Variants in KRABD2 observed in about 807,000 individuals in gnomAD.
KRABD2 encodes the protein KRAB domain containing 2.
At chr17:8,362,246 C>T in the KRABD2 span, among the ~76,000 whole-genome samples, 8 of 151,936 alleles carry the variant, frequency 5.3e-5, no homozygotes, top group East Asian at 1.9e-4. This position sits in a 1 kb window ranked among gnomAD's most constrained non-coding sequence, Gnocchi z 4.2. Context: ...GGGAGAATGG[C>T]GTGAACCCGG....
At chr17:8,369,722 T>C in the KRABD2 span, 1 of 1,614,242 alleles carries the variant, frequency 6.2e-7, no homozygotes, top group Admixed American at 1.7e-5. Context: ...GTTTGGTTCT[T>C]AATGGCCGTA....
At chr17:8,374,673 G>A in the KRABD2 span, among the ~76,000 whole-genome samples, 8 of 149,154 alleles carry the variant, frequency 5.4e-5, no homozygotes, top group East Asian at 5.9e-4. Flanking sequence ...TCGGCCGGGC[G>A]TGGGGGCTCA....
chr17:8,369,335 G>A, the KRABD2 span: 1 of 1,614,044 alleles, frequency 6.2e-7, no homozygotes, highest in African/African-American at 1.3e-5. Context: ...CAGTTTCCCG[G>A]GGCAAGTTTG....
At chr17:8,370,351 C>G in the KRABD2 span, 1 of 1,594,040 alleles carries the variant, frequency 6.3e-7, no homozygotes, top group African/African-American at 1.4e-5. Context: ...TCATTTCCAG[C>G]TCTCTGAGGC....
the KRABD2 span, among the ~76,000 whole-genome samples, chr17:8,371,125 A>T: frequency 6.6e-6 from 1 of 152,148 alleles, no homozygotes; most frequent in African/African-American, 2.4e-5. Context: ...AGCCGAGATT[A>T]TACCACTGCA....
At chr17:8,365,398 C>T in the KRABD2 span, among the ~76,000 whole-genome samples, 2 of 152,228 alleles carry the variant, frequency 1.3e-5, no homozygotes, top group South Asian at 4.1e-4. Flanking sequence ...ACCTCCCAGA[C>T]CTGTTAGGCA....
chr17:8,376,342 A>G, the KRABD2 span: 1 of 1,210,322 alleles, frequency 8.3e-7, no homozygotes, highest in Non-Finnish European at 1.0e-6. Context: ...TTCCTCATCT[A>G]CAACCCGGGG....
chr17:8,358,957 A>T, the KRABD2 span, among the ~76,000 whole-genome samples: 1 of 152,178 alleles, frequency 6.6e-6, no homozygotes, highest in South Asian at 2.1e-4. Context: ...ACATTTTACC[A>T]ACTGTCCCAA....
chr17:8,371,365 T>G, the KRABD2 span: 10 of 1,614,208 alleles, frequency 6.2e-6, no homozygotes, highest in Non-Finnish European at 5.9e-6. Context: ...GCAATCCTTT[T>G]GAGAGCCTTC....
the KRABD2 span, chr17:8,360,001 C>T: frequency 2.7e-6 from 1 of 375,356 alleles, no homozygotes; most frequent in South Asian, 2.0e-5. Flanking sequence ...TAGGAGTGAG[C>T]CATCTGTGTG....
the KRABD2 span, among the ~76,000 whole-genome samples, chr17:8,372,538 C>T: frequency 6.6e-6 from 1 of 152,210 alleles, no homozygotes; most frequent in Non-Finnish European, 1.5e-5. This position sits in a 1 kb window ranked among gnomAD's most constrained non-coding sequence, Gnocchi z 4.1. Context: ...GTGATCTGCT[C>T]GTTTTGGCCT....
At chr17:8,366,570 T>G in the KRABD2 span, among the ~76,000 whole-genome samples, 2 of 152,222 alleles carry the variant, frequency 1.3e-5, no homozygotes, top group East Asian at 3.8e-4. Flanking sequence ...ATATGTTTCA[T>G]GCAGTTACAC....
the KRABD2 span, among the ~76,000 whole-genome samples, chr17:8,367,896 TCC>T: frequency 1.9e-5 from 2 of 104,658 alleles, no homozygotes; most frequent in Admixed American, 2.4e-4. Context: ...CCCTGCCAAA[TCC>T]CCCTCTGCAA....
chr17:8,360,430 C>T, the KRABD2 span, among the ~76,000 whole-genome samples: 1 of 152,082 alleles, frequency 6.6e-6, no homozygotes, highest in Non-Finnish European at 1.5e-5. Flanking sequence ...GCTTGGAAAA[C>T]ACAGTAGAGT....
chr17:8,375,790 C>A, the KRABD2 span: 2 of 743,908 alleles, frequency 2.7e-6, no homozygotes, highest in Non-Finnish European at 1.8e-6. Context: ...GAAATGTGAC[C>A]GTAAATCAAT....
At chr17:8,369,135 C>T in the KRABD2 span, 1 of 1,609,276 alleles carries the variant, frequency 6.2e-7, no homozygotes, top group South Asian at 1.1e-5. Context: ...GCCATCTGTT[C>T]ACCAGCAGAG....
the KRABD2 span, chr17:8,365,530 T>C: frequency 6.6e-6 from 1 of 152,228 alleles, no homozygotes; most frequent in African/African-American, 2.4e-5. Context: ...TATGTAATAA[T>C]AATGTGGCTT....
At chr17:8,367,360 G>T in the KRABD2 span, among the ~76,000 whole-genome samples, 1 of 152,042 alleles carries the variant, frequency 6.6e-6, no homozygotes, top group East Asian at 2.0e-4. Context: ...AGCTGGGTTC[G>T]TGGGGGTGCG....
chr17:8,368,802 A>C, the KRABD2 span: 2 of 212,466 alleles, frequency 9.4e-6, no homozygotes. Context: ...AAGCCTGGCT[A>C]ATTTCTATAT....
Sources: gnomAD v4.1 joint callset for allele counts (sites outside exome capture counted in the v4.1 genomes callset) on GRCh38, gnomAD v4.1.1 for gene constraint, Gnocchi (gnomAD v3.1) non-coding constraint, MANE v1.5 for transcripts, NCBI Gene and HGNC (gene_info 2026-07-23, HGNC 2026-07-21) for gene names.